The following VWA5A variants were observed in gnomAD, a reference collection of about 807,000 sequenced individuals.
The protein encoded by VWA5A is von Willebrand factor A domain containing 5A.
VWA5A carries 77 observed loss-of-function variants against 84.6 expected under a neutral mutation model. The ratio of observed to expected loss-of-function variants is 0.91; its 90% CI spans 0.76 to 1.10. VWA5A has a LOEUF of 1.10. Ranked by LOEUF, VWA5A falls within the 50% of genes least tolerant of loss-of-function variation. The pLI is 0.00. For missense variants in VWA5A, 973 were observed against 963.0 expected, an observed-to-expected ratio of 1.01 and a Z score of -0.14; for synonymous variants, 334 against 350.1, an observed-to-expected ratio of 0.95 and a Z score of 0.51.
rs143506521 is a variant in VWA5A at position 124,121,028 on chromosome 11, C to T, written c.761-1932C>T. Among the ~76,000 whole-genome samples the T allele has an allele frequency of 1.5e-3, 234 of 152,246 alleles. 4 individuals are homozygous for T. In the East Asian group the frequency reaches 0.044, roughly 28 times the overall value. ...GCAGGACTGCTCAAGTCTTGCTTCCCAGGTCGTATATTTAGTCAAGATGAC... is the reference window on the plus strand; with the variant it reads ...GCAGGACTGCTCAAGTCTTGCTTCCTAGGTCGTATATTTAGTCAAGATGAC... On this transcript the variant is annotated intron_variant, in intron 7 of 18. Transcript: ENST00000456829.
At chr11:124,140,002 C>T (rs575093021) in intron 15 of VWA5A, among the ~76,000 whole-genome samples, 1 of 152,084 alleles carries the variant, frequency 6.6e-6, no homozygotes, top group East Asian at 1.9e-4. Context: ...GAGTTTTTAT[C>T]ATGATGTTGA....
rs1864963474 is a variant in VWA5A, at chr11:124,123,364, A to G, written c.931-2A>G. On this transcript the variant is annotated splice_acceptor_variant, in intron 8 of 18. Transcript: ENST00000456829. LOFTEE classifies it high-confidence loss of function. ...TGTCTCTTCATACTCTCTTACCTTCAGGAAACACTGATTTTGCTGCTGAAG... is the reference window on the plus strand; with the variant it reads ...TGTCTCTTCATACTCTCTTACCTTCGGGAAACACTGATTTTGCTGCTGAAG... The G allele has an allele frequency of 1.2e-6, 2 of 1,612,894 alleles. No homozygotes were observed. The highest frequency in any genetic ancestry group is 1.7e-5 in the Admixed American group (1 of 59,684).
chr11:124,128,767 A>G (rs938290337), intron 11 of VWA5A, among the ~76,000 whole-genome samples: 1 of 152,080 alleles, frequency 6.6e-6, no homozygotes, highest in African/African-American at 2.4e-5. Flanking sequence ...TTCTCTCATC[A>G]TTTGGCTCTC....
intron 11 of VWA5A, among the ~76,000 whole-genome samples, chr11:124,128,486 G>T (rs951849350): frequency 6.6e-6 from 1 of 152,088 alleles, no homozygotes; most frequent in African/African-American, 2.4e-5. Context: ...GGATTGTCTT[G>T]GCTATATGGG....
At chr11:124,136,030 G>T (rs932439144) in intron 12 of VWA5A, 99 bp from the exon 13 acceptor site, 6 of 1,316,054 alleles carry the variant, frequency 4.6e-6, no homozygotes, top group Non-Finnish European at 6.4e-6. Context: ...GGCATGACAT[G>T]TATTATGTAT....
At position 124,139,225 on chromosome 11, in the gene VWA5A, T is replaced by TGTGTG. The variant is rs1860678571; in HGVS notation, c.1879+1957_1879+1958insGTGTG. On this transcript the variant is annotated intron_variant, in intron 15 of 18. Coordinates refer to ENST00000456829, the MANE Select transcript of VWA5A (RefSeq NM_001130142.2). The stretch of plus-strand genomic sequence containing the variant: ...TAGTATGATGCCTCCAGCATTTTGT[T>TGTGTG]TGTGTGTGTGTGTGTGTGTGTGTGT... 1.5e-3 allele frequency among the ~76,000 whole-genome samples: 220 copies of TGTGTG among 147,426 alleles called. 1 individual carries two copies. The highest frequency in any genetic ancestry group is 9.5e-3 in the South Asian group (44 of 4,638).
rs1860823775 is a variant in VWA5A at position 124,146,434 on chromosome 11, T to A, written c.*489T>A. 2 of 154,194 alleles carry A rather than the reference T, an allele frequency of 1.3e-5. No homozygotes were observed. The highest frequency in any genetic ancestry group is 1.3e-4 in the Admixed American group (2 of 15,390). 9.6% of individuals were successfully genotyped at this position (154,194 alleles called of 1,614,324 possible). A position where few individuals can be genotyped will look rare whatever the true frequency, so the allele number is the denominator to read the frequency against. On this transcript the variant is annotated 3_prime_UTR_variant, in exon 19 of 19. Transcript: ENST00000456829. ...AAAGCCAACATCTGGATCAATGTAATGTCAAGATCACAAAGACAGAGACTG... is the reference window on the plus strand; with the variant it reads ...AAAGCCAACATCTGGATCAATGTAAAGTCAAGATCACAAAGACAGAGACTG...
chr11:124,125,170 C>G (rs1022093936), intron 11 of VWA5A, among the ~76,000 whole-genome samples: 9 of 152,222 alleles, frequency 5.9e-5, no homozygotes, highest in Non-Finnish European at 8.8e-5. Flanking sequence ...AATGATTGTA[C>G]TAATTTAATT....
chr11:124,136,061 T>C lies in VWA5A; in HGVS notation c.1360-68T>C. On this transcript the variant is annotated intron_variant, in intron 12 of 18. Coordinates refer to ENST00000456829, the MANE Select transcript of VWA5A (RefSeq NM_001130142.2). ...TGTATCACATCTGATACATAATAAA[T>C]GTCCAGTTAATTGTAGCTGCCATTG... The C allele has an allele frequency of 2.6e-6, 4 of 1,535,758 alleles. No individual in the cohort carries two copies. In the East Asian group the frequency reaches 6.8e-5, roughly 26 times the overall value.
Position 124,123,395 on chromosome 11 carries a change from A to T in VWA5A, c.960A>T (p.Leu320Phe). ...KETLILLLKS[L>F]PIGCYFNIYG... is the part of the protein sequence containing the mutation. ...CACTGATTTTGCTGCTGAAGAGTTT[A>T]CCTATAGGCTGTTATTTCAACATCT... Residue 320 changes from leucine (L) to phenylalanine (F), a missense_variant, in exon 9 of 19, where the codon TTA becomes TTT. Physicochemically the swap from Leu to Phe is conservative, Grantham distance 22. Transcript: ENST00000456829. The T allele has an allele frequency of 6.2e-7, 1 of 1,613,862 alleles. No homozygotes were observed. The highest frequency in any genetic ancestry group is 8.5e-7 in the Non-Finnish European group (1 of 1,179,956).
intron 15 of VWA5A, among the ~76,000 whole-genome samples, chr11:124,140,768 T>C (rs1471854850): frequency 1.3e-5 from 2 of 152,028 alleles, no homozygotes; most frequent in African/African-American, 4.8e-5. Flanking sequence ...TAAAACTTTT[T>C]ATAAAGATGG....
rs73015627 is a variant in VWA5A at position 124,137,193 on chromosome 11, C to T, written c.1804C>T (p.Pro602Ser). 7.9e-4 allele frequency: 1,270 copies of T among 1,614,106 alleles called. 3 individuals carry two copies. The highest frequency in any genetic ancestry group is 1.0e-3 in the Non-Finnish European group (1,231 of 1,180,032). The part of the protein sequence containing the change: ...NKELNKPVQG[P>S]LAHRDVPRPI... ...GGAGCTCAACAAGCCGGTTCAGGGGCCTCTGGCTCATAGGGACGTCCCAAG... is the reference window on the plus strand; with the variant it reads ...GGAGCTCAACAAGCCGGTTCAGGGGTCTCTGGCTCATAGGGACGTCCCAAG... Residue 602 changes from proline (P) to serine (S), a missense_variant, in exon 15 of 19, where the codon CCT becomes TCT. Transcript: ENST00000456829.
intron 11 of VWA5A, among the ~76,000 whole-genome samples, chr11:124,131,530 CA>C (rs1865097507): frequency 6.6e-6 from 1 of 151,930 alleles, no homozygotes; most frequent in South Asian, 2.1e-4. Context: ...GGGCTTCATG[CA>C]TTTTTTTATT....
At chr11:124,122,273 G>T (rs779739950) in intron 7 of VWA5A, among the ~76,000 whole-genome samples, 1 of 152,164 alleles carries the variant, frequency 6.6e-6, no homozygotes, top group African/African-American at 2.4e-5. Context: ...GCCCTCACTT[G>T]CTTCTAAAAA....
In VWA5A at chr11:124,119,081, T is replaced by G. The variant is rs1244931816; in HGVS notation, c.752T>G (p.Met251Arg). Reference sequence around the variant, plus strand: ...GTTTTGGAGATGGGGATGCCTAACATGAAGCCAGGTATTTTCTTTCTTCCT... The same window carrying G: ...GTTTTGGAGATGGGGATGCCTAACAGGAAGCCAGGTATTTTCTTTCTTCCT... Reference protein sequence around the residue: ...SVVLEMGMPNMKPGHLMGDPS... With the variant: ...SVVLEMGMPNRKPGHLMGDPS... The change falls in exon 7 of 19, where the codon ATG (methionine) becomes AGG (arginine). Residue 251 changes from methionine to arginine, a missense_variant. Met to Arg is a moderately conservative substitution (Grantham distance 91, BLOSUM62 -1). Transcript: ENST00000456829. 1 of 1,613,926 alleles carries G rather than the reference T, an allele frequency of 6.2e-7. No individual in the cohort carries two copies. Among genetic ancestry groups the G allele is most frequent in the Admixed American group, 1.7e-5 (1 of 60,008 alleles).
intron 11 of VWA5A, among the ~76,000 whole-genome samples, chr11:124,126,994 A>T (rs1405205241): frequency 6.6e-6 from 1 of 152,226 alleles, no homozygotes; most frequent in Non-Finnish European, 1.5e-5. Flanking sequence ...ATAACACATT[A>T]TCTAAATGCA....
chr11:124,137,432 G>A (rs1217704710), intron 15 of VWA5A, among the ~76,000 whole-genome samples, 164 bp downstream of exon 15: 1 of 152,096 alleles, frequency 6.6e-6, no homozygotes, highest in African/African-American at 2.4e-5. Context: ...CTGTCCCAGG[G>A]AACTAGAATG....
chr11:124,122,929 GTC>G, intron 7 of VWA5A, 29 bp from the exon 8 acceptor site: 1 of 1,586,384 alleles, frequency 6.3e-7, no homozygotes, highest in Non-Finnish European at 8.5e-7. Flanking sequence ...GTTCCTTTTT[GTC>G]TTACAGTGGC....
chr11:124,135,382 A>G (rs1305873012), intron 12 of VWA5A, among the ~76,000 whole-genome samples: 1 of 152,196 alleles, frequency 6.6e-6, no homozygotes, highest in Non-Finnish European at 1.5e-5. Flanking sequence ...CCTCTTTTGT[A>G]CTACATGCAT....
Sources: allele counts gnomAD v4.1 joint callset (sites outside exome capture counted in the v4.1 genomes callset), GRCh38; gene constraint gnomAD v4.1.1; transcripts MANE v1.5; gene names NCBI Gene and HGNC (gene_info 2026-07-23, HGNC 2026-07-21).